SPATA16: variants seen among roughly 807,000 people sequenced by gnomAD.
The protein encoded by SPATA16 is spermatogenesis associated 16.
In SPATA16, 36 loss-of-function variants were observed where a neutral mutation model predicts 63.3. That is an observed-to-expected ratio of 0.57 (90% CI 0.44 to 0.75). The LOEUF is 0.75. Among genes scored for constraint, SPATA16 ranks in the 30% least tolerant of loss-of-function variants. The probability of loss-of-function intolerance (pLI) is 0.00; values close to 1 mark genes in which losing one functional copy is unlikely to be tolerated. For synonymous variants in SPATA16, 203 were observed against 216.7 expected (o/e 0.94, Z 0.56); for missense variants, 646 against 679.3 (o/e 0.95, Z 0.54).
intron 10 of SPATA16, among the ~76,000 whole-genome samples, chr3:172,896,442 T>C (rs931697117): frequency 6.6e-6 from 1 of 152,078 alleles, no homozygotes; most frequent in Non-Finnish European, 1.5e-5. Context: ...AGGATGGTCT[T>C]GATCTCCTGA....
At chr3:173,084,238 T>C (rs1736993513) in intron 2 of SPATA16, among the ~76,000 whole-genome samples, 1 of 152,192 alleles carries the variant, frequency 6.6e-6, no homozygotes, top group Admixed American at 6.5e-5. Context: ...TATGTCATTG[T>C]GGTTTTGATT....
At chr3:173,120,830 G>C (rs1738043306) in intron 1 of SPATA16, among the ~76,000 whole-genome samples, 1 of 151,994 alleles carries the variant, frequency 6.6e-6, no homozygotes, top group South Asian at 2.1e-4. Context: ...CAAGAAGGAA[G>C]GTTTTATTGT....
chr3:173,014,081 G>C (rs1207178108), intron 4 of SPATA16, among the ~76,000 whole-genome samples: 1 of 152,068 alleles, frequency 6.6e-6, no homozygotes, highest in Non-Finnish European at 1.5e-5. Flanking sequence ...CCCACTTCTT[G>C]GTGTATACCC....
intron 4 of SPATA16, among the ~76,000 whole-genome samples, chr3:172,981,977 T>C (rs1734330867): frequency 1.3e-5 from 2 of 152,224 alleles, no homozygotes; most frequent in Non-Finnish European, 2.9e-5. Flanking sequence ...ATACTCACTA[T>C]CTGGCTCTAC....
At chr3:173,082,457 G>A (rs1736945991) in intron 2 of SPATA16, among the ~76,000 whole-genome samples, 1 of 152,144 alleles carries the variant, frequency 6.6e-6, no homozygotes. Context: ...TCAGAAGGGG[G>A]CTTTTCTTGT....
At chr3:172,940,901 T>C (rs1186783841) in intron 6 of SPATA16, among the ~76,000 whole-genome samples, 1 of 152,096 alleles carries the variant, frequency 6.6e-6, no homozygotes, top group Non-Finnish European at 1.5e-5. Flanking sequence ...GAGAATTGCT[T>C]GAACCCGGGA....
chr3:173,082,356 G>A (rs150822497), intron 2 of SPATA16, among the ~76,000 whole-genome samples: 1 of 152,168 alleles, frequency 6.6e-6, no homozygotes, highest in Non-Finnish European at 1.5e-5. Context: ...TTCTGTGCAG[G>A]AACATGACTG....
At chr3:172,975,116 C>A (rs1012146049) in intron 5 of SPATA16, among the ~76,000 whole-genome samples, 5 of 151,968 alleles carry the variant, frequency 3.3e-5, no homozygotes, top group African/African-American at 1.2e-4. Context: ...TCTCTGAAAG[C>A]TAAAGGAAAC....
intron 4 of SPATA16, among the ~76,000 whole-genome samples, chr3:173,001,980 A>G (rs1734838297): frequency 6.6e-6 from 1 of 152,116 alleles, no homozygotes; most frequent in Non-Finnish European, 1.5e-5. Context: ...TTCTTTCTAC[A>G]TTTATTAGTT....
intron 3 of SPATA16, among the ~76,000 whole-genome samples, chr3:173,022,795 G>A (rs1283499486): frequency 6.6e-6 from 1 of 151,710 alleles, no homozygotes; most frequent in African/African-American, 2.4e-5. Context: ...AGAGCTGATT[G>A]GTCTGATTTT....
chr3:173,140,168 A>T (rs1453804924), intron 1 of SPATA16, among the ~76,000 whole-genome samples: 1 of 152,174 alleles, frequency 6.6e-6, no homozygotes, highest in Non-Finnish European at 1.5e-5. Context: ...GAACAACTTA[A>T]TGAAATTAGG....
rs1478064040 is a variant in SPATA16 at position 172,951,567 on chromosome 3, G to GT, written c.1081+5109dup. On this transcript the variant is annotated intron_variant, in intron 6 of 10. Coordinates refer to ENST00000351008, the MANE Select transcript of SPATA16 (RefSeq NM_031955.6). Reference sequence around the variant, plus strand: ...TTTTATACTTTTCCCCCTTGTGTCTGTTTTTCCCATGGATATCCCTGACAA... The same window carrying GT: ...TTTTATACTTTTCCCCCTTGTGTCTGTTTTTTCCCATGGATATCCCTGACAA... Among the ~76,000 whole-genome samples, 3 of 152,174 alleles carry GT rather than the reference G, an allele frequency of 2.0e-5. No individual in the cohort carries two copies. In the East Asian group the frequency reaches 5.8e-4, roughly 29 times the overall value.
intron 2 of SPATA16, among the ~76,000 whole-genome samples, chr3:173,095,961 T>G (rs904049909): frequency 6.6e-6 from 1 of 152,076 alleles, no homozygotes; most frequent in African/African-American, 2.4e-5. Context: ...ATCTAAAAGT[T>G]TATAAGCTCT....
chr3:172,964,568 C>T (rs1733865579), intron 5 of SPATA16, among the ~76,000 whole-genome samples: 1 of 152,184 alleles, frequency 6.6e-6, no homozygotes, highest in South Asian at 2.1e-4. Context: ...GAGCTTTAGC[C>T]TCTGTGTTCA....
chr3:173,013,370 G>C (rs2108272918), intron 4 of SPATA16, among the ~76,000 whole-genome samples: 1 of 152,230 alleles, frequency 6.6e-6, no homozygotes, highest in Non-Finnish European at 1.5e-5. Flanking sequence ...ACTTCTCAAA[G>C]TGTTGCAGAA....
intron 3 of SPATA16, among the ~76,000 whole-genome samples, chr3:173,020,702 G>C (rs1735306175): frequency 6.6e-6 from 1 of 152,128 alleles, no homozygotes; most frequent in African/African-American, 2.4e-5. Flanking sequence ...GATATAACAG[G>C]GTCAACTAGC....
At chr3:172,965,429 C>T (rs941608119) in intron 5 of SPATA16, among the ~76,000 whole-genome samples, 14 of 152,184 alleles carry the variant, frequency 9.2e-5, no homozygotes, top group Admixed American at 7.2e-4. Flanking sequence ...GGGAATTGTT[C>T]ATCTTGGAAG....
chr3:172,937,602 C>T (rs2109596382), intron 6 of SPATA16, among the ~76,000 whole-genome samples: 1 of 152,176 alleles, frequency 6.6e-6, no homozygotes, highest in East Asian at 1.9e-4. Context: ...CTGAGAGTAC[C>T]TTTAAGATCT....
At position 172,974,121 on chromosome 3, in the gene SPATA16, C is replaced by G. The variant is rs1038716851; in HGVS notation, c.933+2847G>C. On this transcript the variant is annotated intron_variant, in intron 5 of 10. Transcript: ENST00000351008. ...TGAAAGGTTCTTGAGTTCACCAAAG[C>G]AAAGGTCCATTCTTCTGCATCTGAG... Among the ~76,000 whole-genome samples, 10 of 152,218 alleles carry G rather than the reference C, an allele frequency of 6.6e-5. 1 individual carries two copies. In the East Asian group the frequency reaches 1.4e-3, roughly 21 times the overall value.
Sources: allele counts gnomAD v4.1 joint callset (sites outside exome capture counted in the v4.1 genomes callset), GRCh38; gene constraint gnomAD v4.1.1; transcripts MANE v1.5; gene names NCBI Gene and HGNC (gene_info 2026-07-23, HGNC 2026-07-21).